The following PPP1R21 variants were observed in gnomAD, a reference collection of about 807,000 sequenced individuals.
PPP1R21 encodes the protein protein phosphatase 1 regulatory subunit 21.
Under a neutral mutation model 112.8 loss-of-function variants are expected in PPP1R21, and 85 were observed. The observed-to-expected ratio is 0.75, with a 90% confidence interval of 0.63 to 0.90. The LOEUF is 0.90. PPP1R21 is among the 40% of genes least tolerant of loss of function. The pLI, the probability that PPP1R21 is intolerant of heterozygous loss-of-function variation, is 0.00. For missense variants in PPP1R21, 1,199 were observed against 901.5 expected, an observed-to-expected ratio of 1.33 and a Z score of -4.23; for synonymous variants, 381 against 322.3, an observed-to-expected ratio of 1.18 and a Z score of -1.95.
At chr2:48,491,402 G>A (rs1369526057) in intron 15 of PPP1R21, among the ~76,000 whole-genome samples, 1 of 152,134 alleles carries the variant, frequency 6.6e-6, no homozygotes, top group Non-Finnish European at 1.5e-5. Context: ...CATGTCCCAA[G>A]TGCCTGATAG....
intron 19 of PPP1R21, among the ~76,000 whole-genome samples, chr2:48,509,348 T>A (rs1020719212): frequency 4.6e-5 from 7 of 151,794 alleles, no homozygotes; most frequent in African/African-American, 1.7e-4. Flanking sequence ...TGATAACTTT[T>A]GTAATAATCA....
chr2:48,502,684 T>C (rs1331981003), intron 17 of PPP1R21, among the ~76,000 whole-genome samples: 1 of 144,388 alleles, frequency 6.9e-6, no homozygotes, highest in Non-Finnish European at 1.5e-5. Flanking sequence ...TTCTTTTTTT[T>C]TTTTTTTTTT....
chr2:48,484,106 C>G (rs1669163243), intron 13 of PPP1R21, among the ~76,000 whole-genome samples: 2 of 152,202 alleles, frequency 1.3e-5, no homozygotes, highest in South Asian at 4.1e-4. Flanking sequence ...ACATTCCTTT[C>G]AGAACACGCA....
intron 12 of PPP1R21, among the ~76,000 whole-genome samples, chr2:48,477,576 A>G (rs149975122): frequency 2.0e-5 from 3 of 151,554 alleles, no homozygotes; most frequent in African/African-American, 4.8e-5. Context: ...TCTCAGGTCT[A>G]TTTCATTGAT....
At chr2:48,458,598 C>G (rs1156790448) in intron 4 of PPP1R21, among the ~76,000 whole-genome samples, 1 of 91,506 alleles carries the variant, frequency 1.1e-5, no homozygotes, top group Non-Finnish European at 2.1e-5. Context: ...TTTTTTTTAA[C>G]TGATGTTTAG....
intron 17 of PPP1R21, among the ~76,000 whole-genome samples, chr2:48,503,885 GGAGGTTGCAGT>G: frequency 6.6e-6 from 1 of 151,684 alleles, no homozygotes; most frequent in South Asian, 2.1e-4. Flanking sequence ...CCCAGGAGGC[GGAGGTTGCAGT>G]GAGTCAGGAT....
At chr2:48,472,354 GGT>G (rs1171795642) in intron 11 of PPP1R21, among the ~76,000 whole-genome samples, 1 of 149,630 alleles carries the variant, frequency 6.7e-6, no homozygotes, top group African/African-American at 2.5e-5. Context: ...GGCCAAGTGT[GGT>G]GGCTCATGCC....
chr2:48,513,121 A>C (rs553519560), intron 21 of PPP1R21, among the ~76,000 whole-genome samples: 2 of 152,306 alleles, frequency 1.3e-5, no homozygotes, highest in Non-Finnish European at 2.9e-5. Context: ...TGAGAAAGGT[A>C]CATGTTGAGT....
chr2:48,490,724 A>G (rs1159634613), intron 14 of PPP1R21, among the ~76,000 whole-genome samples: 1 of 152,244 alleles, frequency 6.6e-6, no homozygotes, highest in Non-Finnish European at 1.5e-5. Flanking sequence ...AGCTCATGAA[A>G]GTCACCTACA....
intron 3 of PPP1R21, among the ~76,000 whole-genome samples, chr2:48,457,031 G>A (rs1428028399): frequency 1.3e-5 from 2 of 150,990 alleles, no homozygotes; most frequent in Non-Finnish European, 2.9e-5. Flanking sequence ...CAGCCTGGGC[G>A]ACAGAGTGAG....
intron 3 of PPP1R21, among the ~76,000 whole-genome samples, chr2:48,457,824 C>G (rs1387757083): frequency 6.6e-6 from 1 of 152,178 alleles, no homozygotes; most frequent in Non-Finnish European, 1.5e-5. Context: ...ATTGCTGGAG[C>G]TTTCTAGGTC....
In PPP1R21 at chr2:48,471,352, C is replaced by G. The variant is rs781194024; in HGVS notation, c.1073C>G (p.Pro358Arg). The G allele has an allele frequency of 1.9e-6, 3 of 1,608,192 alleles. No individual in the cohort carries two copies. In the African/African-American group the frequency reaches 4.0e-5, roughly 22 times the overall value. ...SYICFLRKIL[P>R]YQLKSLEEEC... is the part of the protein sequence containing the mutation. Reference sequence around the variant, plus strand: ...ATATGTTTTCTTAGGAAGATTCTTCCCTATCAGTTAAAAAGGTAGTTACCC... The same window carrying G: ...ATATGTTTTCTTAGGAAGATTCTTCGCTATCAGTTAAAAAGGTAGTTACCC... Residue 358 changes from proline (P) to arginine (R), a missense_variant, in exon 11 of 22, where the codon CCC becomes CGC. Coordinates refer to ENST00000294952, the MANE Select transcript of PPP1R21 (RefSeq NM_001135629.3).
At chr2:48,490,429 A>G (rs1474078974) in intron 14 of PPP1R21, among the ~76,000 whole-genome samples, 3 of 152,190 alleles carry the variant, frequency 2.0e-5, no homozygotes, top group Non-Finnish European at 2.9e-5. Context: ...AATGCCACAG[A>G]TTCAAAATCA....
rs558698943 is a variant in PPP1R21, at chr2:48,479,178, G to A, written c.1226-746G>A. Among the ~76,000 whole-genome samples, 34 of 152,118 alleles carry A rather than the reference G, an allele frequency of 2.2e-4. No individual in the cohort carries two copies. In the South Asian group the frequency reaches 2.5e-3, roughly 11 times the overall value. On this transcript the variant is annotated intron_variant, in intron 12 of 21. Transcript: ENST00000294952. ...GGGTGAAAGAAGGGGAACGTTCCCC[G>A]CCTCTGTCCACACTTGCTCAGAATT...
chr2:48,444,098 C>T (rs1667150121), intron 1 of PPP1R21, among the ~76,000 whole-genome samples: 1 of 151,726 alleles, frequency 6.6e-6, no homozygotes, highest in South Asian at 2.1e-4. Flanking sequence ...CACTGAGAGT[C>T]CAGTTAGATA....
At chr2:48,449,543 C>G (rs979671454) in intron 1 of PPP1R21, among the ~76,000 whole-genome samples, 2 of 152,164 alleles carry the variant, frequency 1.3e-5, no homozygotes, top group Non-Finnish European at 2.9e-5. Context: ...GTCTTTTGCT[C>G]AAACTGTTGA....
intron 15 of PPP1R21, among the ~76,000 whole-genome samples, chr2:48,495,215 T>G (rs533732167): frequency 4.6e-4 from 70 of 152,302 alleles, no homozygotes; most frequent in Non-Finnish European, 8.1e-4. Context: ...CTTTTTTTTT[T>G]CTTTTTGAGA....
chr2:48,506,766 A>G (rs1670397468), intron 18 of PPP1R21, among the ~76,000 whole-genome samples: 1 of 152,160 alleles, frequency 6.6e-6, no homozygotes, highest in African/African-American at 2.4e-5. Flanking sequence ...TAACACGGTG[A>G]AACCCCGTCT....
chr2:48,474,596 A>G (rs1668667741), intron 11 of PPP1R21, 87 bp from the exon 12 acceptor site: 5 of 1,186,046 alleles, frequency 4.2e-6, no homozygotes, highest in Non-Finnish European at 6.0e-6. Context: ...CTCTTTGGAT[A>G]TAGTTGTTTG....
Sources: gnomAD v4.1 joint callset for allele counts (sites outside exome capture counted in the v4.1 genomes callset) on GRCh38, gnomAD v4.1.1 for gene constraint, MANE v1.5 for transcripts, NCBI Gene and HGNC (gene_info 2026-07-23, HGNC 2026-07-21) for gene names.